PDZRN4: variants seen among roughly 807,000 people sequenced by gnomAD.
PDZRN4 encodes PDZ domain containing ring finger 4.
A neutral mutation model predicts 99.0 loss-of-function variants in PDZRN4; 70 were observed. That is an observed-to-expected ratio of 0.71 (90% CI 0.58 to 0.86). PDZRN4 has a LOEUF of 0.86. Among genes scored for constraint, PDZRN4 ranks in the 40% least tolerant of loss-of-function variants. PDZRN4 has a pLI of 0.00. For synonymous variants in PDZRN4, 551 were observed against 501.6 expected, an observed-to-expected ratio of 1.10 and a Z score of -1.32; for missense variants, 1,474 against 1,331.2, an observed-to-expected ratio of 1.11 and a Z score of -1.67.
intron 3 of PDZRN4, among the ~76,000 whole-genome samples, chr12:41,439,795 T>C (rs1318063164): frequency 6.6e-6 from 1 of 152,210 alleles, no homozygotes; most frequent in African/African-American, 2.4e-5. Flanking sequence ...AAATGAAGTA[T>C]TAGCTTCCAT....
chr12:41,357,600 T>A (rs528729093), intron 3 of PDZRN4, among the ~76,000 whole-genome samples: 35 of 152,142 alleles, frequency 2.3e-4, no homozygotes, highest in Admixed American at 1.0e-3. Flanking sequence ...TGATCTTACA[T>A]CAATGAGTAA....
intron 3 of PDZRN4, among the ~76,000 whole-genome samples, chr12:41,229,593 G>A (rs1481040831): frequency 6.6e-6 from 1 of 152,088 alleles, no homozygotes; most frequent in Non-Finnish European, 1.5e-5. Context: ...AATAGTTGCA[G>A]TTCTGGTATC....
intron 3 of PDZRN4, among the ~76,000 whole-genome samples, chr12:41,476,174 A>G (rs1048783245): frequency 6.6e-5 from 10 of 152,200 alleles, no homozygotes; most frequent in African/African-American, 2.4e-4. Context: ...TTGTATATAA[A>G]GAAAGAAACA....
At chr12:41,320,593 A>G (rs1304808738) in intron 3 of PDZRN4, among the ~76,000 whole-genome samples, 1 of 152,224 alleles carries the variant, frequency 6.6e-6, no homozygotes, top group African/African-American at 2.4e-5. Context: ...GCACCTGGTC[A>G]GAAGGGAGAC....
At chr12:41,539,723 T>A (rs185392643) in intron 5 of PDZRN4, among the ~76,000 whole-genome samples, 1 of 152,204 alleles carries the variant, frequency 6.6e-6, no homozygotes, top group African/African-American at 2.4e-5. Context: ...TTTTATGTTT[T>A]CTTAATAACA....
chr12:41,211,517 C>G (rs530130402), intron 3 of PDZRN4, among the ~76,000 whole-genome samples: 1 of 151,788 alleles, frequency 6.6e-6, no homozygotes, highest in East Asian at 1.9e-4. Context: ...CTCTGAGGTG[C>G]TCATGTATTA....
intron 3 of PDZRN4, among the ~76,000 whole-genome samples, chr12:41,227,349 C>A (rs1217824337): frequency 6.6e-6 from 1 of 152,038 alleles, no homozygotes; most frequent in African/African-American, 2.4e-5. Flanking sequence ...ATAGAATTTG[C>A]AAATGACCTA....
intron 9 of PDZRN4, among the ~76,000 whole-genome samples, chr12:41,571,440 T>C (rs1284222062): frequency 2.0e-5 from 3 of 151,012 alleles, no homozygotes; most frequent in Non-Finnish European, 4.4e-5. Context: ...TATATACATA[T>C]ATGTGACATA....
chr12:41,432,351 A>C (rs1952592637), intron 3 of PDZRN4, among the ~76,000 whole-genome samples: 1 of 152,252 alleles, frequency 6.6e-6, no homozygotes, highest in Non-Finnish European at 1.5e-5. Context: ...TTTTAACTTA[A>C]TATTCTTGAA....
At chr12:41,315,978 T>G (rs1592008890) in intron 3 of PDZRN4, among the ~76,000 whole-genome samples, 1 of 152,144 alleles carries the variant, frequency 6.6e-6, no homozygotes, top group East Asian at 1.9e-4. Context: ...GAAGCTGGTC[T>G]AGACAGCATG....
Position 41,383,932 on chromosome 12 carries a change from A to G in PDZRN4, c.844-122524A>G, listed in dbSNP as rs187070484. ...AGTTCATCATGATACAGGAGGAATG[A>G]GAATTTTAACATGGTAATATCAGTT... On this transcript the variant is annotated intron_variant, in intron 3 of 9. Coordinates refer to ENST00000402685, the MANE Select transcript of PDZRN4 (RefSeq NM_001164595.2). Among the ~76,000 whole-genome samples the G allele has an allele frequency of 3.5e-3, 517 of 148,054 alleles. 3 individuals carry two copies. The highest frequency in any genetic ancestry group is 0.012 in the African/African-American group (487 of 39,822).
At chr12:41,234,186 T>TAGTA (rs1951050362) in intron 3 of PDZRN4, among the ~76,000 whole-genome samples, 1 of 152,098 alleles carries the variant, frequency 6.6e-6, no homozygotes, top group Non-Finnish European at 1.5e-5. Flanking sequence ...AGACTGTCAC[T>TAGTA]GTATTTTTCA....
intron 3 of PDZRN4, among the ~76,000 whole-genome samples, chr12:41,304,238 T>C (rs1314664964): frequency 6.6e-6 from 1 of 152,160 alleles, no homozygotes; most frequent in Admixed American, 6.5e-5. Flanking sequence ...ATTCACTAGC[T>C]TTGTATGATA....
chr12:41,218,080 C>G lies in PDZRN4; in HGVS notation c.843+23892C>G, dbSNP rs572637773. 2.6e-5 allele frequency among the ~76,000 whole-genome samples: 4 copies of G among 152,208 alleles called. No individual in the cohort carries two copies. In the South Asian group the frequency reaches 8.3e-4, roughly 32 times the overall value. On this transcript the variant is annotated intron_variant, in intron 3 of 9. Coordinates refer to ENST00000402685, the MANE Select transcript of PDZRN4 (RefSeq NM_001164595.2). ...AAAGCAGCCTTCCAAGTCTTTCTAC[C>G]ATTCAGGCTGCTCCCTCTGCATAAT...
chr12:41,547,889 T>G (rs1438041962), intron 5 of PDZRN4, among the ~76,000 whole-genome samples: 1 of 152,210 alleles, frequency 6.6e-6, no homozygotes, highest in East Asian at 1.9e-4. Flanking sequence ...GCAGCCAACC[T>G]GGGCCTAGAG....
intron 3 of PDZRN4, among the ~76,000 whole-genome samples, chr12:41,396,469 GTCTT>G (rs1265770894): frequency 6.6e-6 from 1 of 152,054 alleles, no homozygotes; most frequent in Non-Finnish European, 1.5e-5. Context: ...ATCAGTATTG[GTCTT>G]TCTATTATTG....
chr12:41,548,336 T>C (rs1386339867), intron 5 of PDZRN4, among the ~76,000 whole-genome samples: 1 of 152,118 alleles, frequency 6.6e-6, no homozygotes, highest in Non-Finnish European at 1.5e-5. Flanking sequence ...TCATTTGATT[T>C]ATTTTTTGAA....
intron 3 of PDZRN4, among the ~76,000 whole-genome samples, chr12:41,426,711 A>G (rs879074227): frequency 3.3e-5 from 5 of 152,226 alleles, no homozygotes; most frequent in Non-Finnish European, 2.9e-5. Context: ...TTCCTTTTCA[A>G]ATTAGTAACA....
At chr12:41,497,292 G>T (rs375787076) in intron 3 of PDZRN4, among the ~76,000 whole-genome samples, 2 of 152,054 alleles carry the variant, frequency 1.3e-5, no homozygotes, top group South Asian at 2.1e-4. Context: ...TAATGACAAT[G>T]ACATTTTTTT....
Sources: allele counts gnomAD v4.1 joint callset (sites outside exome capture counted in the v4.1 genomes callset), GRCh38; gene constraint gnomAD v4.1.1; transcripts MANE v1.5; gene names NCBI Gene and HGNC (gene_info 2026-07-23, HGNC 2026-07-21).